The following NFX1 variants were observed in gnomAD, a reference collection of about 807,000 sequenced individuals.
NFX1 encodes nuclear transcription factor, X-box binding 1.
Under a neutral mutation model 137.2 loss-of-function variants are expected in NFX1, and 69 were observed. The observed-to-expected ratio is 0.50, with a 90% CI of 0.41 to 0.61. NFX1 has a LOEUF of 0.61. Among genes scored for constraint, NFX1 ranks in the 20% least tolerant of loss-of-function variants. NFX1 has a pLI of 0.00. For synonymous variants in NFX1, 495 were observed against 474.1 expected, an observed-to-expected ratio of 1.04 and a Z score of -0.57; for missense variants, 1,167 against 1,391.0, an observed-to-expected ratio of 0.84 and a Z score of 2.56.
chr9:33,305,264 G>C (rs559888390), intron 4 of NFX1, among the ~76,000 whole-genome samples: 1 of 152,212 alleles, frequency 6.6e-6, no homozygotes, highest in Non-Finnish European at 1.5e-5. Context: ...GGATGATTAA[G>C]AGAAGCCTTC....
rs757922966 is a variant in NFX1 at position 33,354,179 on chromosome 9, T to A, written c.2823T>A (p.His941Gln). Reference protein sequence around the residue: ...ISKLITKKEVHQARLECDEEC... With the variant: ...ISKLITKKEVQQARLECDEEC... ...AGTTAATTACCAAAAAGGAAGTTCA[T>A]CAAGCCAGGTAATTTTTAAAATGCA... Residue 941 changes from histidine (H) to glutamine (Q), a missense_variant, in exon 18 of 24, where the codon CAT (histidine) becomes CAA (glutamine). Physicochemically the swap from His to Gln is conservative, Grantham distance 24. This residue lies in a region of NFX1 where 312 missense variants were observed against 312.8 expected (regional missense o/e 1.00). Transcript: ENST00000379540. 6.2e-7 allele frequency: 1 copy of A among 1,611,994 alleles called. No homozygotes were observed. Among genetic ancestry groups the A allele is most frequent in the Middle Eastern group, 1.7e-4 (1 of 6,046 alleles).
At chr9:33,339,889 C>T (rs1002213624) in intron 12 of NFX1, among the ~76,000 whole-genome samples, 1 of 152,238 alleles carries the variant, frequency 6.6e-6, no homozygotes, top group African/African-American at 2.4e-5. Context: ...CTAGGTAACA[C>T]TGATGCAGGA....
chr9:33,323,332 G>A (rs952643106), intron 9 of NFX1, among the ~76,000 whole-genome samples: 2 of 152,168 alleles, frequency 1.3e-5, no homozygotes, highest in African/African-American at 4.8e-5. Flanking sequence ...TAGCTAAAAT[G>A]TCTAGTTTCC....
chr9:33,339,594 G>A (rs1424984941), intron 12 of NFX1, among the ~76,000 whole-genome samples: 1 of 152,070 alleles, frequency 6.6e-6, no homozygotes, highest in Non-Finnish European at 1.5e-5. Flanking sequence ...CTTTCCAACT[G>A]TCCCCCAAAG....
intron 7 of NFX1, among the ~76,000 whole-genome samples, chr9:33,315,064 GAATCT>G (rs1822107425): frequency 6.6e-6 from 1 of 151,998 alleles, no homozygotes; most frequent in Non-Finnish European, 1.5e-5. Flanking sequence ...TGGAACAGAA[GAATCT>G]AATTTTATAG....
Position 33,307,227 on chromosome 9 carries a change from A to G in NFX1, c.1304A>G (p.Glu435Gly). 6.2e-7 allele frequency: 1 copy of G among 1,614,176 alleles called. No individual in the cohort carries two copies. The highest frequency in any genetic ancestry group is 8.5e-7 in the Non-Finnish European group (1 of 1,180,008). The change falls in exon 5 of 24, where the codon GAA (glutamate) becomes GGA (glycine). Residue 435 changes from glutamate (E) to glycine (G), a missense_variant. Physicochemically the swap from Glu to Gly is moderately conservative, Grantham distance 98. Around this residue, in one of 3 missense-constraint regions of NFX1, gnomAD observed 488 missense variants for 691.5 expected, o/e 0.71. Coordinates refer to ENST00000379540, the MANE Select transcript of NFX1 (RefSeq NM_002504.6). ...AAGAATCCTGAGTGGAGCAGAAATG[A>G]AATTCCACATAGCTGTGGTGAGGTT... Reference protein sequence around the residue: ...KVKNPEWSRNEIPHSCGEVCR... With the variant: ...KVKNPEWSRNGIPHSCGEVCR...
intron 19 of NFX1, among the ~76,000 whole-genome samples, chr9:33,358,679 T>TTTG: frequency 7.4e-6 from 1 of 135,896 alleles, no homozygotes; most frequent in Non-Finnish European, 1.6e-5. Context: ...TTTTTTTTTT[T>TTTG]TGATACAGAG....
rs1392004352 is a variant in NFX1 at position 33,295,423 on chromosome 9, C to T, written c.1029C>T (p.His343=). 1 of 1,609,208 alleles carries T rather than the reference C, an allele frequency of 6.2e-7. No individual in the cohort carries two copies. The change falls in exon 2 of 24, where the codon CAC becomes CAT. Residue 343 remains histidine (H), a synonymous_variant. Coordinates refer to ENST00000379540, the MANE Select transcript of NFX1 (RefSeq NM_002504.6). ...QNHVLKNVET[H]TGSLIEQLTT... ...ATGTGCTAAAGAATGTGGAAACGCA[C>T]ACAGGTAAACCTACCTAGATAGGAA...
chr9:33,314,360 T>C (rs1412238534), intron 7 of NFX1, among the ~76,000 whole-genome samples: 1 of 152,002 alleles, frequency 6.6e-6, no homozygotes, highest in Non-Finnish European at 1.5e-5. Flanking sequence ...ATTATGGACC[T>C]AGAAAGACCA....
intron 17 of NFX1, 112 bp downstream of exon 17, chr9:33,352,831 A>T: frequency 1.3e-6 from 1 of 788,808 alleles, no homozygotes; most frequent in Non-Finnish European, 2.2e-6. Context: ...GAAGAAACGA[A>T]GTCTGTAACT....
rs556558388 is a variant in NFX1, at chr9:33,290,684, T to G, written c.25+87T>G. ...GAAGTTCTAGGGCCTCAGCCACTCA[T>G]ATCGCGAGAGTAGCACATGCTAGGG... is the stretch of plus-strand genomic sequence containing the variant. On this transcript the variant is annotated intron_variant, in intron 1 of 23. Transcript: ENST00000379540. The G allele has an allele frequency of 3.4e-5, 47 of 1,367,780 alleles. 1 individual carries two copies. In the South Asian group the frequency reaches 5.3e-4, roughly 15 times the overall value. 84.7% of individuals were successfully genotyped at this position (1,367,780 alleles called of 1,614,324 possible). A position where few individuals can be genotyped will look rare whatever the true frequency, so the allele number is the denominator to read the frequency against.
chr9:33,316,825 A>G (rs956100845), intron 7 of NFX1, among the ~76,000 whole-genome samples: 2 of 152,152 alleles, frequency 1.3e-5, no homozygotes, highest in Non-Finnish European at 2.9e-5. Context: ...TCTCGTGCCT[A>G]GGAGAGCTTT....
intron 19 of NFX1, among the ~76,000 whole-genome samples, chr9:33,358,647 ATTTTTTTTT>A (rs61589629): frequency 3.1e-3 from 151 of 48,472 alleles, no homozygotes; most frequent in African/African-American, 0.01. Context: ...GAATGGCTTG[ATTTTTTTTT>A]TTTTTTTTTT....
chr9:33,346,910 C>A (rs377421189), intron 14 of NFX1, 128 bp from the exon 15 acceptor site: 4 of 568,208 alleles, frequency 7.0e-6, no homozygotes, highest in Non-Finnish European at 1.2e-5. Context: ...TTCCTGTGAC[C>A]GTTTTTCAAA....
At chr9:33,300,807 C>T (rs1376736658) in intron 2 of NFX1, among the ~76,000 whole-genome samples, 1 of 152,240 alleles carries the variant, frequency 6.6e-6, no homozygotes, top group Non-Finnish European at 1.5e-5. Flanking sequence ...AGCCATCTCA[C>T]CACTCATGGG....
chr9:33,297,022 T>C (rs568856171), intron 2 of NFX1, among the ~76,000 whole-genome samples: 2 of 152,316 alleles, frequency 1.3e-5, no homozygotes, highest in African/African-American at 4.8e-5. Flanking sequence ...TTCATCCTTA[T>C]ATTGAACTGA....
intron 9 of NFX1, among the ~76,000 whole-genome samples, chr9:33,322,711 T>A (rs1438905315): frequency 6.6e-6 from 1 of 152,064 alleles, no homozygotes; most frequent in Non-Finnish European, 1.5e-5. Context: ...GAGTAGTGCC[T>A]CAGAGACCTT....
chr9:33,303,093 T>C (rs1389596838), intron 3 of NFX1, 98 bp from the exon 4 acceptor site: 14 of 781,180 alleles, frequency 1.8e-5, no homozygotes, highest in Non-Finnish European at 2.6e-5. Flanking sequence ...TTATTACCAC[T>C]ACTTCAATAT....
At position 33,344,843 on chromosome 9, in the gene NFX1, C is replaced by T. The variant is rs149939176; in HGVS notation, c.2344+655C>T. Among the ~76,000 whole-genome samples, 338 of 142,770 alleles carry T rather than the reference C, an allele frequency of 2.4e-3. 1 individual carries two copies. Among genetic ancestry groups the T allele is most frequent in the Middle Eastern group, 5.4e-3 (1 of 184 alleles). The allele number at this position is 142,770 out of a possible 152,430, so 93.7% of individuals were successfully genotyped here. On this transcript the variant is annotated intron_variant, in intron 14 of 23. Transcript: ENST00000379540. Reference sequence around the variant, plus strand: ...ATCGCACCACTGCACTCCAGCCTGGCGACAGACCAAGACTCTGTCTCAAAA... The same window carrying T: ...ATCGCACCACTGCACTCCAGCCTGGTGACAGACCAAGACTCTGTCTCAAAA...
Sources: gnomAD v4.1 joint callset for allele counts (sites outside exome capture counted in the v4.1 genomes callset) on GRCh38, gnomAD v4.1.1 for gene constraint, gnomAD v4.1.1 regional missense constraint, MANE v1.5 for transcripts, NCBI Gene and HGNC (gene_info 2026-07-23, HGNC 2026-07-21) for gene names.